Variants in ABLIM2 observed in about 807,000 individuals in gnomAD.
ABLIM2 encodes the protein actin-binding LIM protein 2.
A neutral mutation model predicts 97.7 loss-of-function variants in ABLIM2; 53 were observed. That is an observed-to-expected ratio of 0.54 (90% CI 0.44 to 0.68). ABLIM2 has a LOEUF of 0.68. Among genes scored for constraint, ABLIM2 ranks in the 30% least tolerant of loss-of-function variants. ABLIM2 has a pLI of 0.00. For missense variants in ABLIM2, 835 were observed against 867.2 expected (o/e 0.96, Z 0.47); for synonymous variants, 361 against 345.8 (o/e 1.04, Z -0.49).
At chr4:8,109,825 G>C (rs1316190534) in intron 1 of ABLIM2, among the ~76,000 whole-genome samples, 1 of 152,220 alleles carries the variant, frequency 6.6e-6, no homozygotes, top group Non-Finnish European at 1.5e-5. Flanking sequence ...AACTGGACGG[G>C]GCACAGCCCA....
At chr4:7,990,867 G>T (rs1748153883) in intron 17 of ABLIM2, among the ~76,000 whole-genome samples, 1 of 152,270 alleles carries the variant, frequency 6.6e-6, no homozygotes, top group African/African-American at 2.4e-5. Flanking sequence ...CAATAGGAAA[G>T]AACATTAGCA....
rs763533482 is a variant in ABLIM2 at position 8,005,278 on chromosome 4, T to A, written c.1618+2781A>T. 2 of 525,338 alleles carry A rather than the reference T, an allele frequency of 3.8e-6. No individual in the cohort carries two copies. 32.5% of individuals were successfully genotyped at this position (525,338 alleles called of 1,614,324 possible). On this transcript the variant is annotated intron_variant, in intron 16 of 20. Coordinates refer to ENST00000447017, the MANE Select transcript of ABLIM2 (RefSeq NM_001130083.2). This position sits in a 1 kb window ranked among gnomAD's most constrained non-coding sequence, Gnocchi z 4.9. Reference sequence around the variant, plus strand: ...GCTGCTCTTGTCTTCTCTGTCCCCCTCGGCGCCCCGCTCAGCGTCTGGCAC... The same window carrying A: ...GCTGCTCTTGTCTTCTCTGTCCCCCACGGCGCCCCGCTCAGCGTCTGGCAC...
rs1430574605 is a variant in ABLIM2 at position 7,996,042 on chromosome 4, T to C, written c.1619-3115A>G. On this transcript the variant is annotated intron_variant, in intron 16 of 20. Transcript: ENST00000447017. The surrounding 1 kb of genome is among the most constrained non-coding windows in gnomAD (Gnocchi z 4.5). ...CAGGAGACACCTTCCTCCTCCTTCA[T>C]GCCCAGAGCCAGGCATGCTCTGGGA... Among the ~76,000 whole-genome samples the C allele has an allele frequency of 6.6e-6, 1 of 152,118 alleles. No individual in the cohort carries two copies. Among genetic ancestry groups the C allele is most frequent in the East Asian group, 1.9e-4 (1 of 5,170 alleles).
At chr4:8,055,729 G>A (rs748260475) in intron 7 of ABLIM2, among the ~76,000 whole-genome samples, 4 of 152,206 alleles carry the variant, frequency 2.6e-5, no homozygotes, top group African/African-American at 7.2e-5. Flanking sequence ...GCAGCAACTC[G>A]AAGCTCTGAG....
At chr4:8,135,579 C>T (rs191109216) in intron 1 of ABLIM2, among the ~76,000 whole-genome samples, 1 of 152,212 alleles carries the variant, frequency 6.6e-6, no homozygotes, top group Non-Finnish European at 1.5e-5. Context: ...AGGAAGCAGT[C>T]CTTTCCAGAC....
Position 8,028,999 on chromosome 4 carries a change from G to A in ABLIM2, c.1168+657C>T, listed in dbSNP as rs547605910. Among the ~76,000 whole-genome samples the A allele has an allele frequency of 2.9e-4, 44 of 152,336 alleles. No individual in the cohort carries two copies. In the South Asian group the frequency reaches 6.4e-3, roughly 22 times the overall value. On this transcript the variant is annotated intron_variant, in intron 11 of 20. Coordinates refer to ENST00000447017, the MANE Select transcript of ABLIM2 (RefSeq NM_001130083.2). ...TCGAAAGGCAGTGTCCGTGTGGAGC[G>A]TCCCTGCTGTGGCTTTGACACGCTC...
In ABLIM2 at chr4:8,149,098, T is replaced by A. The variant is rs530802304; in HGVS notation, c.10+9582A>T. On this transcript the variant is annotated intron_variant, in intron 1 of 20. Coordinates refer to ENST00000447017, the MANE Select transcript of ABLIM2 (RefSeq NM_001130083.2). The surrounding 1 kb of genome is among the most constrained non-coding windows in gnomAD (Gnocchi z 6.4). Reference sequence around the variant, plus strand: ...GGCCATCTGGAGGCTCCGGGGGAGATCCACTTCCGTGCCTCTTCCAGCTTC... The same window carrying A: ...GGCCATCTGGAGGCTCCGGGGGAGAACCACTTCCGTGCCTCTTCCAGCTTC... 6.6e-6 allele frequency among the ~76,000 whole-genome samples: 1 copy of A among 152,134 alleles called. No homozygotes were observed. The highest frequency in any genetic ancestry group is 1.9e-4 in the East Asian group (1 of 5,158).
rs898935272 is a variant in ABLIM2 at position 8,147,315 on chromosome 4, G to T, written c.10+11365C>A. Among the ~76,000 whole-genome samples the T allele has an allele frequency of 5.3e-5, 8 of 152,172 alleles. No homozygotes were observed. The highest frequency in any genetic ancestry group is 1.3e-4 in the Admixed American group (2 of 15,284). On this transcript the variant is annotated intron_variant, in intron 1 of 20. Coordinates refer to ENST00000447017, the MANE Select transcript of ABLIM2 (RefSeq NM_001130083.2). The surrounding 1 kb of genome is among the most constrained non-coding windows in gnomAD (Gnocchi z 5.3). ...TCATCCATCCTAGAGACTCCACAGGGAGAAGAAAAGGTATTGACCCGGTAA... is the reference window on the plus strand; with the variant it reads ...TCATCCATCCTAGAGACTCCACAGGTAGAAGAAAAGGTATTGACCCGGTAA...
At chr4:8,131,685 GCCCGCA>G in intron 1 of ABLIM2, among the ~76,000 whole-genome samples, 1 of 110,482 alleles carries the variant, frequency 9.1e-6, no homozygotes, top group Non-Finnish European at 1.9e-5. Flanking sequence ...GAGCACAGCA[GCCCGCA>G]TCCCCAGCAC....
In ABLIM2 at chr4:8,083,343, C is replaced by T. The variant is rs750433583; in HGVS notation, c.455-2541G>A. 5.9e-5 allele frequency among the ~76,000 whole-genome samples: 9 copies of T among 152,184 alleles called. No individual in the cohort carries two copies. The South Asian group carries it at 6.2e-4, about 11-fold the overall frequency. ...CGTGAATAAATGCACACACGTTGAC[C>T]GGTGAGGTGGGCCCACCTCTGCTCT... On this transcript the variant is annotated intron_variant, in intron 4 of 20. Coordinates refer to ENST00000447017, the MANE Select transcript of ABLIM2 (RefSeq NM_001130083.2). The surrounding 1 kb of genome is among the most constrained non-coding windows in gnomAD (Gnocchi z 4.6).
In ABLIM2 at chr4:8,045,254, A is replaced by C; in HGVS notation, c.823-13T>G. 2 of 1,611,318 alleles carry C rather than the reference A, an allele frequency of 1.2e-6. No homozygotes were observed. Among genetic ancestry groups the C allele is most frequent in the South Asian group, 1.1e-5 (1 of 91,042 alleles). On this transcript the variant is annotated splice_polypyrimidine_tract_variant and intron_variant, in intron 8 of 20. Coordinates refer to ENST00000447017, the MANE Select transcript of ABLIM2 (RefSeq NM_001130083.2). ...AAGTTCTGGTTTCCTGAGAAAGGAG[A>C]GAGGAAGAGATTGAAGGCAGGTACC...
intron 1 of ABLIM2, among the ~76,000 whole-genome samples, chr4:8,135,293 G>A (rs1311817079): frequency 1.3e-5 from 2 of 152,202 alleles, no homozygotes; most frequent in South Asian, 2.1e-4. Context: ...AGGGGTAACC[G>A]GGGCAGCCAG....
intron 20 of ABLIM2, among the ~76,000 whole-genome samples, chr4:7,981,581 T>C (rs546607246): frequency 1.3e-5 from 2 of 152,360 alleles, no homozygotes; most frequent in East Asian, 3.9e-4. Context: ...ACACTTTTCA[T>C]GGACACAGTA....
At position 8,087,176 on chromosome 4, in the gene ABLIM2, C is replaced by T. The variant is rs1216272060; in HGVS notation, c.454+993G>A. On this transcript the variant is annotated intron_variant, in intron 4 of 20. Transcript: ENST00000447017. The surrounding 1 kb of genome is among the most constrained non-coding windows in gnomAD (Gnocchi z 4.6). ...AAACCCCTCCTCTGTCTGGGGACAC[C>T]CCAGTGACCACGGTGCTCAGAGTGG... is the stretch of plus-strand genomic sequence containing the variant. Among the ~76,000 whole-genome samples the T allele has an allele frequency of 6.6e-6, 1 of 152,188 alleles. No homozygotes were observed. Among genetic ancestry groups the T allele is most frequent in the African/African-American group, 2.4e-5 (1 of 41,440 alleles).
rs547647498 is a variant in ABLIM2, at chr4:8,043,430, C to T, written c.900+1734G>A. ...TATTATGGACTGAACTGTGTCTCCC[C>T]GAATTCCTGTGTTGGTAAAGTCCTA... is the stretch of plus-strand genomic sequence containing the variant. On this transcript the variant is annotated intron_variant, in intron 9 of 20. Transcript: ENST00000447017. This position sits in a 1 kb window ranked among gnomAD's most constrained non-coding sequence, Gnocchi z 4.8. Among the ~76,000 whole-genome samples, 3 of 152,094 alleles carry T rather than the reference C, an allele frequency of 2.0e-5. No homozygotes were observed. The highest frequency in any genetic ancestry group is 6.5e-5 in the Admixed American group (1 of 15,272).
chr4:8,138,253 A>G (rs1230251735), intron 1 of ABLIM2, among the ~76,000 whole-genome samples: 2 of 152,234 alleles, frequency 1.3e-5, no homozygotes, highest in African/African-American at 4.8e-5. Context: ...TGGCTACATC[A>G]TCATTCAACC....
rs1797766766 is a variant in ABLIM2 at position 8,054,409 on chromosome 4, G to A, written c.764-163C>T. On this transcript the variant is annotated intron_variant, in intron 7 of 20. Coordinates refer to ENST00000447017, the MANE Select transcript of ABLIM2 (RefSeq NM_001130083.2). This position sits in a 1 kb window ranked among gnomAD's most constrained non-coding sequence, Gnocchi z 4.9. ...CCTCTCTGTGCTGGAGTTAGTGCCGGGCAGGGGGTACCCAGATCACAGTCC... is the reference window on the plus strand; with the variant it reads ...CCTCTCTGTGCTGGAGTTAGTGCCGAGCAGGGGGTACCCAGATCACAGTCC... 6.6e-6 allele frequency among the ~76,000 whole-genome samples: 1 copy of A among 152,246 alleles called. No individual in the cohort carries two copies. The highest frequency in any genetic ancestry group is 6.5e-5 in the Admixed American group (1 of 15,290).
intron 3 of ABLIM2, among the ~76,000 whole-genome samples, chr4:8,092,237 A>G (rs1280648500): frequency 6.6e-6 from 1 of 151,912 alleles, no homozygotes; most frequent in Non-Finnish European, 1.5e-5. Context: ...ACCTCAAGCA[A>G]TCTGCCCACC....
chr4:8,036,474 G>A (rs1318448134), intron 9 of ABLIM2, among the ~76,000 whole-genome samples, 179 bp from the exon 10 acceptor site: 2 of 152,146 alleles, frequency 1.3e-5, no homozygotes, highest in Non-Finnish European at 2.9e-5. Context: ...CCAGAGGGCA[G>A]TGGCTGCTCC....
Sources: gnomAD v4.1 joint callset for allele counts (sites outside exome capture counted in the v4.1 genomes callset) on GRCh38, gnomAD v4.1.1 for gene constraint, Gnocchi (gnomAD v3.1) non-coding constraint, MANE v1.5 for transcripts, NCBI Gene and HGNC (gene_info 2026-07-23, HGNC 2026-07-21) for gene names.